Variants in PSMD13 observed in about 807,000 individuals in gnomAD.
PSMD13 encodes proteasome 26S subunit, non-ATPase 13, also known as 26S proteasome non-ATPase regulatory subunit 13.
A neutral mutation model predicts 57.4 loss-of-function variants in PSMD13; 8 were observed. The observed-to-expected ratio is 0.14, with a 90% CI of 0.08 to 0.25. The LOEUF (loss-of-function observed/expected upper bound fraction) is 0.25, where lower values mean the gene tolerates loss of function less well. PSMD13 is among the 10% of genes least tolerant of loss of function. The pLI is 1.00. For synonymous variants in PSMD13, 193 were observed against 168.2 expected, an observed-to-expected ratio of 1.15 and a Z score of -1.14; for missense variants, 400 against 461.5, an observed-to-expected ratio of 0.87 and a Z score of 1.22.
In PSMD13 at chr11:252,424, C is replaced by A; in HGVS notation, c.1036-81C>A. ...AGAGTTAGCTGGAGATGTAGAGTCA[C>A]CCCATCAGGTGCTGTGCCGGCCGCT... is the stretch of plus-strand genomic sequence containing the variant. On this transcript the variant is annotated intron_variant, in intron 12 of 12. Coordinates refer to ENST00000532097, the MANE Select transcript of PSMD13 (RefSeq NM_002817.4). This position sits in a 1 kb window ranked among gnomAD's most constrained non-coding sequence, Gnocchi z 4.1. The A allele has an allele frequency of 2.3e-6, 3 of 1,296,280 alleles. No individual in the cohort carries two copies. The highest frequency in any genetic ancestry group is 3.4e-6 in the Non-Finnish European group (3 of 894,198). The allele number at this position is 1,296,280 out of a possible 1,614,324, so 80.3% of individuals were successfully genotyped here.
At chr11:249,196 TC>T in intron 9 of PSMD13, 139 bp downstream of exon 9, 33 of 1,238,210 alleles carry the variant, frequency 2.7e-5, no homozygotes, top group Non-Finnish European at 3.2e-5. Flanking sequence ...GTCCTTGCTC[TC>T]ATAGAGCAGA....
chr11:242,657 G>A (rs1859541097), intron 2 of PSMD13, among the ~76,000 whole-genome samples: 1 of 152,106 alleles, frequency 6.6e-6, no homozygotes, highest in African/African-American at 2.4e-5. Context: ...AAAGATGGGA[G>A]GCACAAGCGT....
At position 237,094 on chromosome 11, in the gene PSMD13, G is replaced by C; in HGVS notation, c.45G>C (p.Gly15=). The C allele has an allele frequency of 6.2e-7, 1 of 1,613,814 alleles. No homozygotes were observed. Among genetic ancestry groups the C allele is most frequent in the East Asian group, 2.2e-5 (1 of 44,880 alleles). The change falls in exon 1 of 13, where the codon GGG becomes GGC. Residue 15 remains glycine, a synonymous_variant. Coordinates refer to ENST00000532097, the MANE Select transcript of PSMD13 (RefSeq NM_002817.4). ...TCCTACAGCAGAGCCAGAACTCCGG[G>C]CCCGGGCAGCCCGCTGTGTGGCACC... The part of the protein sequence containing the change: ...PGFLQQSQNS[G]PGQPAVWHRL...
intron 5 of PSMD13, 89 bp from the exon 6 acceptor site, chr11:244,586 A>C: frequency 6.6e-7 from 1 of 1,508,648 alleles, no homozygotes; most frequent in Non-Finnish European, 9.2e-7. Context: ...CTAGTCATCA[A>C]GGTTAAGTTA....
intron 1 of PSMD13, among the ~76,000 whole-genome samples, chr11:237,665 C>T (rs1278290920): frequency 2.0e-5 from 3 of 152,222 alleles, no homozygotes; most frequent in African/African-American, 7.2e-5. Flanking sequence ...ATTCATTCTG[C>T]AGCTGGTTGC....
At position 251,644 on chromosome 11, in the gene PSMD13, A is replaced by C; in HGVS notation, c.918+18A>C. On this transcript the variant is annotated intron_variant, in intron 11 of 12. Coordinates refer to ENST00000532097, the MANE Select transcript of PSMD13 (RefSeq NM_002817.4). The surrounding 1 kb of genome is among the most constrained non-coding windows in gnomAD (Gnocchi z 4.6). ...TGAATGAGGTACGGTCCCTAGGCTC[A>C]GGGTGTTAGAGCAGCAAAGCTGCCA... is the stretch of plus-strand genomic sequence containing the variant. 1.2e-6 allele frequency: 2 copies of C among 1,604,144 alleles called. No homozygotes were observed. Among genetic ancestry groups the C allele is most frequent in the Non-Finnish European group, 1.7e-6 (2 of 1,171,356 alleles).
At position 239,173 on chromosome 11, in the gene PSMD13, A is replaced by G. The variant is rs1242792029; in HGVS notation, c.174+97A>G. 49 of 1,186,250 alleles carry G rather than the reference A, an allele frequency of 4.1e-5. 1 individual carries two copies. The highest frequency in any genetic ancestry group is 1.5e-4 in the South Asian group (12 of 82,122). 73.5% of individuals were successfully genotyped at this position (1,186,250 alleles called of 1,614,324 possible). A position where few individuals can be genotyped will look rare whatever the true frequency, so the allele number is the denominator to read the frequency against. On this transcript the variant is annotated intron_variant, in intron 2 of 12. Coordinates refer to ENST00000532097, the MANE Select transcript of PSMD13 (RefSeq NM_002817.4). ...ATGCTAATAATAATAATAAGCTCCAATATTCAGCAGTCACTTTACGTCAGG... is the reference window on the plus strand; with the variant it reads ...ATGCTAATAATAATAATAAGCTCCAGTATTCAGCAGTCACTTTACGTCAGG...
Position 252,100 on chromosome 11 carries a change from T to A in PSMD13, c.1035+164T>A, listed in dbSNP as rs1489068068. ...GTTGGGTTTTTCTAAGAGCCTAATT[T>A]AATGCAAGCCTAGGGTTTGAACCCT... On this transcript the variant is annotated intron_variant, in intron 12 of 12. Transcript: ENST00000532097. This position sits in a 1 kb window ranked among gnomAD's most constrained non-coding sequence, Gnocchi z 4.1. 2 of 662,970 alleles carry A rather than the reference T, an allele frequency of 3.0e-6. No individual in the cohort carries two copies. The highest frequency in any genetic ancestry group is 5.3e-6 in the Non-Finnish European group (2 of 380,364). The allele number at this position is 662,970 out of a possible 1,614,324, so 41.1% of individuals were successfully genotyped here.
Position 251,832 on chromosome 11 carries a change from G to T in PSMD13, c.931G>T (p.Val311Leu). The change falls in exon 12 of 13, where the codon GTG becomes TTG. Residue 311 changes from valine to leucine, a missense_variant. Coordinates refer to ENST00000532097, the MANE Select transcript of PSMD13 (RefSeq NM_002817.4). This position sits in a 1 kb window ranked among gnomAD's most constrained non-coding sequence, Gnocchi z 4.6. ...CCTCTCTGCACAGGTGGAGCTTCTG[G>T]TGATGAAGGCCCTTTCGGTGGGGCT... ...KITVNEVELL[V>L]MKALSVGLVK... 1 of 1,614,132 alleles carries T rather than the reference G, an allele frequency of 6.2e-7. No individual in the cohort carries two copies.
chr11:244,846 C>A lies in PSMD13; in HGVS notation c.396+85C>A, dbSNP rs1859596868. The A allele has an allele frequency of 3.6e-6, 4 of 1,110,576 alleles. No individual in the cohort carries two copies. The African/African-American group carries it at 4.9e-5, about 14-fold the overall frequency. 68.8% of individuals were successfully genotyped at this position (1,110,576 alleles called of 1,614,324 possible). A position where few individuals can be genotyped will look rare whatever the true frequency, so the allele number is the denominator to read the frequency against. On this transcript the variant is annotated intron_variant, in intron 6 of 12. Coordinates refer to ENST00000532097, the MANE Select transcript of PSMD13 (RefSeq NM_002817.4). ...AAAAATAACCTATTTTTCTTCTTTA[C>A]TGTTTATTTTAAAACATTTTTACAT...
chr11:240,173 G>A lies in PSMD13; in HGVS notation c.174+1097G>A, dbSNP rs998003380. 6.0e-5 allele frequency among the ~76,000 whole-genome samples: 8 copies of A among 134,106 alleles called. No homozygotes were observed. The South Asian group carries it at 1.3e-3, about 21-fold the overall frequency. 88.0% of individuals were successfully genotyped at this position (134,106 alleles called of 152,430 possible). On this transcript the variant is annotated intron_variant, in intron 2 of 12. Transcript: ENST00000532097. ...TGCCCGGGCTGGAGTGCAATGGTGCGATCTTGGCTCACTGCAACTTCCACC... is the reference window on the plus strand; with the variant it reads ...TGCCCGGGCTGGAGTGCAATGGTGCAATCTTGGCTCACTGCAACTTCCACC...
In PSMD13 at chr11:247,451, A is replaced by G; in HGVS notation, c.568+3A>G. 1 of 1,611,892 alleles carries G rather than the reference A, an allele frequency of 6.2e-7. No homozygotes were observed. ...TGTTGACATCAAGGATCTACCAGGT[A>G]ACCTAGGCCATTAAATCCATGTCAC... On this transcript the variant is annotated splice_donor_region_variant and intron_variant, in intron 7 of 12. Coordinates refer to ENST00000532097, the MANE Select transcript of PSMD13 (RefSeq NM_002817.4).
chr11:245,675 T>TGTTTGC, intron 6 of PSMD13, among the ~76,000 whole-genome samples: 1 of 135,310 alleles, frequency 7.4e-6, no homozygotes, highest in South Asian at 2.4e-4. Flanking sequence ...TGTGTGTGTG[T>TGTTTGC]GTGTGTTTGC....
intron 1 of PSMD13, 27 bp downstream of exon 1, chr11:237,171 G>T: frequency 3.1e-6 from 5 of 1,592,886 alleles, no homozygotes; most frequent in Non-Finnish European, 4.3e-6. Flanking sequence ...CGGGCCCTGG[G>T]CCCCGGCGAT....
intron 1 of PSMD13, 86 bp from the exon 2 acceptor site, chr11:238,912 A>G (rs1859458752): frequency 7.7e-7 from 1 of 1,293,616 alleles, no homozygotes. Flanking sequence ...CCCAACCTGT[A>G]TTTGTGACTT....
At chr11:249,173 C>T (rs1412060865) in intron 9 of PSMD13, 116 bp downstream of exon 9, 3 of 1,413,418 alleles carry the variant, frequency 2.1e-6, no homozygotes, top group Non-Finnish European at 2.9e-6. Flanking sequence ...AAAGAGGAGA[C>T]CAAGATAGGC....
At chr11:245,639 A>C (rs1259198651) in intron 6 of PSMD13, among the ~76,000 whole-genome samples, 1 of 109,556 alleles carries the variant, frequency 9.1e-6, no homozygotes, top group Non-Finnish European at 1.9e-5. Flanking sequence ...GTTGAACCAG[A>C]ACGTGTGTGT....
In PSMD13 at chr11:252,308, T is replaced by C. The variant is rs1000510473; in HGVS notation, c.1036-197T>C. On this transcript the variant is annotated intron_variant, in intron 12 of 12. Transcript: ENST00000532097. This position sits in a 1 kb window ranked among gnomAD's most constrained non-coding sequence, Gnocchi z 4.1. The stretch of plus-strand genomic sequence containing the variant: ...CCTTGTCTGCTTTCTTTCATGCAAG[T>C]TTTTTCTAACGTTCCTGTGAAAAGA... 9 of 569,198 alleles carry C rather than the reference T, an allele frequency of 1.6e-5. No homozygotes were observed. In the African/African-American group the frequency reaches 1.7e-4, roughly 11 times the overall value. 35.3% of individuals were successfully genotyped at this position (569,198 alleles called of 1,614,324 possible).
At chr11:248,417 AAAGT>A (rs1414369701) in intron 7 of PSMD13, among the ~76,000 whole-genome samples, 4 of 152,228 alleles carry the variant, frequency 2.6e-5, no homozygotes, top group African/African-American at 9.7e-5. Context: ...CTAGGAACAG[AAAGT>A]AAGTTAGTTC....
Sources: allele counts gnomAD v4.1 joint callset (sites outside exome capture counted in the v4.1 genomes callset), GRCh38; gene constraint gnomAD v4.1.1; non-coding constraint Gnocchi (gnomAD v3.1); transcripts MANE v1.5; gene names NCBI Gene and HGNC (gene_info 2026-07-23, HGNC 2026-07-21).